The following GTF3C1 variants were observed in gnomAD, a reference collection of about 807,000 sequenced individuals.
The protein encoded by GTF3C1 is general transcription factor 3C polypeptide 1.
Under a neutral mutation model 226.7 loss-of-function variants are expected in GTF3C1, and 57 were observed. The observed-to-expected ratio is 0.25, with a 90% CI of 0.20 to 0.31. GTF3C1 has a LOEUF of 0.31. GTF3C1 is among the 10% of genes least tolerant of loss of function. GTF3C1 has a pLI of 1.00. For missense variants in GTF3C1, 2,217 were observed against 2,776.1 expected (o/e 0.80, Z 4.53); for synonymous variants, 1,090 against 1,084.8 (o/e 1.00, Z -0.09).
rs1166381820 is a variant in GTF3C1, at chr16:27,511,739, C to T, written c.1126+10G>A. On this transcript the variant is annotated intron_variant, in intron 7 of 36. Coordinates refer to ENST00000356183, the MANE Select transcript of GTF3C1 (RefSeq NM_001520.4). ...ATCCATATCCAAGCTGGCATGGGAACAAGACTTACTGAGGTCGTAGGTCTG... is the reference window on the plus strand; with the variant it reads ...ATCCATATCCAAGCTGGCATGGGAATAAGACTTACTGAGGTCGTAGGTCTG... 6.2e-7 allele frequency: 1 copy of T among 1,613,692 alleles called. No homozygotes were observed. Among genetic ancestry groups the T allele is most frequent in the African/African-American group, 1.3e-5 (1 of 75,040 alleles).
rs557956746 is a variant in GTF3C1, at chr16:27,513,445, C to A, written c.974-1544G>T. On this transcript the variant is annotated intron_variant, in intron 6 of 36. Transcript: ENST00000356183. Reference sequence around the variant, plus strand: ...CTCCAGCCTAGGTGACAGAGTGAGACCCTGTCTCAAAATAAAACACTGAAC... The same window carrying A: ...CTCCAGCCTAGGTGACAGAGTGAGAACCTGTCTCAAAATAAAACACTGAAC... Among the ~76,000 whole-genome samples the A allele has an allele frequency of 2.0e-5, 3 of 152,200 alleles. No homozygotes were observed. In the South Asian group the frequency reaches 6.2e-4, roughly 32 times the overall value.
intron 11 of GTF3C1, among the ~76,000 whole-genome samples, chr16:27,501,962 G>T (rs2088411297): frequency 1.3e-5 from 2 of 152,072 alleles, no homozygotes; most frequent in African/African-American, 4.8e-5. Flanking sequence ...AATTAGCCAG[G>T]TGGGTGCCTG....
At chr16:27,512,631 T>C (rs750021311) in intron 6 of GTF3C1, among the ~76,000 whole-genome samples, 30 of 152,216 alleles carry the variant, frequency 2.0e-4, no homozygotes, top group Admixed American at 6.5e-5. Flanking sequence ...CATCACACTG[T>C]GTGATGCATC....
In GTF3C1 at chr16:27,497,647, G is replaced by A; in HGVS notation, c.2340C>T (p.His780=). Residue 780 remains histidine, a synonymous_variant, in exon 14 of 37, where the codon CAC becomes CAT. Coordinates refer to ENST00000356183, the MANE Select transcript of GTF3C1 (RefSeq NM_001520.4). Reference sequence around the variant, plus strand: ...GAAGCTGCAGCTTACCTACAATGGGGTGATAATTTCTAAGCGGGGTTATGC... The same window carrying A: ...GAAGCTGCAGCTTACCTACAATGGGATGATAATTTCTAAGCGGGGTTATGC... The part of the protein sequence containing the change: ...KMGITPLRNY[H]PIVVPGLGRS... 1.2e-6 allele frequency: 2 copies of A among 1,611,964 alleles called. No individual in the cohort carries two copies. Among genetic ancestry groups the A allele is most frequent in the Non-Finnish European group, 1.7e-6 (2 of 1,178,350 alleles).
intron 16 of GTF3C1, 80 bp from the exon 17 acceptor site, chr16:27,493,376 A>G: frequency 1.3e-6 from 1 of 775,828 alleles, no homozygotes; most frequent in Admixed American, 1.8e-5. Flanking sequence ...GCTCGCCACT[A>G]TTTTCTGACC....
At chr16:27,543,116 T>C (rs1425131096) in intron 2 of GTF3C1, among the ~76,000 whole-genome samples, 2 of 152,226 alleles carry the variant, frequency 1.3e-5, no homozygotes, top group African/African-American at 4.8e-5. Flanking sequence ...CCAGGCATGG[T>C]GGCTCACGCC....
intron 2 of GTF3C1, among the ~76,000 whole-genome samples, chr16:27,542,583 T>G (rs1237710821): frequency 8.9e-5 from 13 of 146,646 alleles, no homozygotes; most frequent in Admixed American, 6.8e-5. Flanking sequence ...AAAAAAAAAG[T>G]TTAATCCCCA....
chr16:27,492,698 C>T lies in GTF3C1; in HGVS notation c.2892G>A (p.Ser964=), dbSNP rs771862807. The stretch of plus-strand genomic sequence containing the variant: ...ACAGCCTCTGAAGGTTCTCCACCAC[C>T]GAAAAAATGTAACGCCTAGAAAACA... ...QLLYKRRYIF[S]VVENLQRLCY... Residue 964 remains serine (S), a synonymous_variant, in exon 18 of 37, where the codon TCG becomes TCA. Coordinates refer to ENST00000356183, the MANE Select transcript of GTF3C1 (RefSeq NM_001520.4). The surrounding 1 kb of genome is among the most constrained non-coding windows in gnomAD (Gnocchi z 5.0). 4.1e-5 allele frequency: 66 copies of T among 1,591,386 alleles called. No individual in the cohort carries two copies. The highest frequency in any genetic ancestry group is 5.3e-5 in the Non-Finnish European group (62 of 1,159,334).
chr16:27,522,968 G>C (rs2088773157), intron 6 of GTF3C1, among the ~76,000 whole-genome samples: 1 of 151,982 alleles, frequency 6.6e-6, no homozygotes, highest in African/African-American at 2.4e-5. Context: ...TAGAGTCACA[G>C]GGGCAACAGC....
chr16:27,506,120 T>A lies in GTF3C1; in HGVS notation c.1553-4A>T. 6.4e-7 allele frequency: 1 copy of A among 1,553,608 alleles called. No individual in the cohort carries two copies. The highest frequency in any genetic ancestry group is 8.9e-7 in the Non-Finnish European group (1 of 1,125,154). On this transcript the variant is annotated splice_polypyrimidine_tract_variant and splice_region_variant and intron_variant, in intron 9 of 36. Transcript: ENST00000356183. ...AGGTTTACAACTTTCCACCCACCTGTGGTGGAGGGAAGAGATAGAACAAAT... is the reference window on the plus strand; with the variant it reads ...AGGTTTACAACTTTCCACCCACCTGAGGTGGAGGGAAGAGATAGAACAAAT...
At chr16:27,501,667 T>A (rs2088406379) in intron 11 of GTF3C1, among the ~76,000 whole-genome samples, 1 of 152,240 alleles carries the variant, frequency 6.6e-6, no homozygotes, top group Non-Finnish European at 1.5e-5. Flanking sequence ...CCAAGTCGAA[T>A]GCTAATCTAA....
At chr16:27,484,612 G>C (rs2088106771) in intron 24 of GTF3C1, among the ~76,000 whole-genome samples, 1 of 152,148 alleles carries the variant, frequency 6.6e-6, no homozygotes, top group African/African-American at 2.4e-5. Context: ...TGTGACAAAG[G>C]TGCCCAACGG....
Position 27,545,460 on chromosome 16 carries a change from C to T in GTF3C1, c.285G>A (p.Glu95=), listed in dbSNP as rs764692084. The change falls in exon 2 of 37, where the codon GAG becomes GAA. Residue 95 remains glutamate (E), a synonymous_variant. Coordinates refer to ENST00000356183, the MANE Select transcript of GTF3C1 (RefSeq NM_001520.4). ...AGATCATATGAATGGGGTAGACATC[C>T]TCCAAAGCCACCGGGTCCCTCCTAG... ...LESRRDPVAL[E]DVYPIHMILE... is the part of the protein sequence containing the mutation. 3 of 1,612,470 alleles carry T rather than the reference C, an allele frequency of 1.9e-6. No homozygotes were observed. Among genetic ancestry groups the T allele is most frequent in the East Asian group, 2.2e-5 (1 of 44,876 alleles).
chr16:27,492,491 C>A lies in GTF3C1; in HGVS notation c.2998G>T (p.Ala1000Ser). The change falls in exon 19 of 37, where the codon GCA (alanine) becomes TCA (serine). Residue 1000 changes from alanine to serine, a missense_variant. Physicochemically the swap from Ala to Ser is moderately conservative, Grantham distance 99 (BLOSUM62 1). Around this residue, in one of 12 missense-constraint regions of GTF3C1, gnomAD observed 353 missense variants for 411.7 expected, o/e 0.86. Coordinates refer to ENST00000356183, the MANE Select transcript of GTF3C1 (RefSeq NM_001520.4). The surrounding 1 kb of genome is among the most constrained non-coding windows in gnomAD (Gnocchi z 5.0). ...DQVFIFLKKN[A>S]VIVDTTICDP... is the part of the protein sequence containing the mutation. Reference sequence around the variant, plus strand: ...CAGATGGTAGTGTCAACAATGACTGCATTCTTCTTCAAGAAGATAAAGACC... The same window carrying A: ...CAGATGGTAGTGTCAACAATGACTGAATTCTTCTTCAAGAAGATAAAGACC... The A allele has an allele frequency of 6.2e-7, 1 of 1,613,336 alleles. No individual in the cohort carries two copies. The highest frequency in any genetic ancestry group is 8.5e-7 in the Non-Finnish European group (1 of 1,179,336).
rs865973804 is a variant in GTF3C1 at position 27,489,805 on chromosome 16, A to G, written c.3152-62T>C. On this transcript the variant is annotated intron_variant, in intron 19 of 36. Coordinates refer to ENST00000356183, the MANE Select transcript of GTF3C1 (RefSeq NM_001520.4). ...TCCTGCTGCAGCTCTGGTGGCTACT[A>G]CCTCTGGCTGGGTGGGGAAGAAGAG... is the stretch of plus-strand genomic sequence containing the variant. The G allele has an allele frequency of 7.8e-6, 12 of 1,542,184 alleles. No homozygotes were observed. In the Middle Eastern group the frequency reaches 1.7e-3, roughly 217 times the overall value.
At chr16:27,524,099 G>T (rs1272206346) in intron 6 of GTF3C1, among the ~76,000 whole-genome samples, 3 of 152,142 alleles carry the variant, frequency 2.0e-5, no homozygotes, top group Non-Finnish European at 2.9e-5. Flanking sequence ...TACTTTCAAG[G>T]GTCAGGCAAA....
At chr16:27,482,973 G>A in intron 26 of GTF3C1, 71 bp downstream of exon 26, 1 of 1,288,156 alleles carries the variant, frequency 7.8e-7, no homozygotes. Flanking sequence ...TGTGGGATGA[G>A]AGGAGCTGAC....
chr16:27,464,586 T>C lies in GTF3C1; in HGVS notation c.5606A>G (p.Glu1869Gly), dbSNP rs767534633. ...GCCCTCGGCGTCGGTCTCCCCATTC[T>C]CACTGGCCCAGCTGGCGCGCCTCTT... is the stretch of plus-strand genomic sequence containing the variant. ...GTKRRASWAS[E>G]NGETDAEGTQ... is the part of the protein sequence containing the mutation. Residue 1869 changes from glutamate (E) to glycine (G), a missense_variant, in exon 34 of 37, where the codon GAG becomes GGG. Coordinates refer to ENST00000356183, the MANE Select transcript of GTF3C1 (RefSeq NM_001520.4). 9 of 1,491,506 alleles carry C rather than the reference T, an allele frequency of 6.0e-6. No individual in the cohort carries two copies. Among genetic ancestry groups the C allele is most frequent in the Non-Finnish European group, 8.0e-6 (9 of 1,120,158 alleles). 92.4% of individuals were successfully genotyped at this position (1,491,506 alleles called of 1,614,324 possible).
intron 2 of GTF3C1, 65 bp from the exon 3 acceptor site, chr16:27,538,421 A>G: frequency 9.9e-7 from 1 of 1,006,872 alleles, no homozygotes; most frequent in Non-Finnish European, 1.5e-6. Flanking sequence ...CTGAGATAAG[A>G]AAAAGAAATG....
Sources: gnomAD v4.1 joint callset for allele counts (sites outside exome capture counted in the v4.1 genomes callset) on GRCh38, gnomAD v4.1.1 for gene constraint, gnomAD v4.1.1 regional missense constraint, Gnocchi (gnomAD v3.1) non-coding constraint, MANE v1.5 for transcripts, NCBI Gene and HGNC (gene_info 2026-07-23, HGNC 2026-07-21) for gene names.